Variants in PACS2 observed in about 807,000 individuals in gnomAD.
PACS2 encodes the protein phosphofurin acidic cluster sorting protein 2.
Under a neutral mutation model 113.0 loss-of-function variants are expected in PACS2, and 36 were observed. The observed-to-expected ratio is 0.32, with a 90% CI of 0.24 to 0.42. PACS2 has a LOEUF of 0.42. PACS2 is among the 10% of genes least tolerant of loss of function. The probability of loss-of-function intolerance (pLI) is 1.00; values close to 1 mark genes in which losing one functional copy is unlikely to be tolerated. For synonymous variants in PACS2, 589 were observed against 536.1 expected (o/e 1.10, Z -1.36); for missense variants, 1,015 against 1,239.5 (o/e 0.82, Z 2.72).
At chr14:105,318,134 T>C (rs2058743389) in intron 1 of PACS2, among the ~76,000 whole-genome samples, 1 of 152,218 alleles carries the variant, frequency 6.6e-6, no homozygotes, top group African/African-American at 2.4e-5. Context: ...TATTAATTTG[T>C]TTTTATTTAT....
At chr14:105,350,486 C>T (rs1267150646) in intron 2 of PACS2, among the ~76,000 whole-genome samples, 1 of 152,194 alleles carries the variant, frequency 6.6e-6, no homozygotes, top group Non-Finnish European at 1.5e-5. Flanking sequence ...ACCTCTCCAG[C>T]CCCTCTGTGT....
intron 1 of PACS2, among the ~76,000 whole-genome samples, chr14:105,328,553 C>G (rs1258955023): frequency 1.3e-5 from 2 of 152,180 alleles, no homozygotes; most frequent in Non-Finnish European, 2.9e-5. Flanking sequence ...TCTGGGCTCG[C>G]CATCCTTGAA....
In PACS2 at chr14:105,309,302, A is replaced by C. The variant is rs752522458; in HGVS notation, c.-83+8323A>C. On this transcript the variant is annotated intron_variant, in intron 1 of 23. Coordinates refer to the PACS2 transcript ENST00000430725. The surrounding 1 kb of genome is among the most constrained non-coding windows in gnomAD (Gnocchi z 4.0). ...AGGGGAGAGTTTTATTCCTGAATCC[A>C]GGTCATGCTGTGTTCAACTTTACAC... Among the ~76,000 whole-genome samples, 1 of 152,230 alleles carries C rather than the reference A, an allele frequency of 6.6e-6. No homozygotes were observed. The highest frequency in any genetic ancestry group is 2.4e-5 in the African/African-American group (1 of 41,456).
At chr14:105,328,517 C>T (rs1188514591) in intron 1 of PACS2, among the ~76,000 whole-genome samples, 1 of 152,218 alleles carries the variant, frequency 6.6e-6, no homozygotes, top group East Asian at 1.9e-4. Context: ...AGAGGCTGCT[C>T]TCGAGGACAC....
In PACS2 at chr14:105,345,000, T is replaced by C. The variant is rs1469990371; in HGVS notation, c.120-3493T>C. Among the ~76,000 whole-genome samples the C allele has an allele frequency of 7.9e-5, 12 of 152,236 alleles. 1 individual carries two copies. Among genetic ancestry groups the C allele is most frequent in the African/African-American group, 2.9e-4 (12 of 41,538 alleles). On this transcript the variant is annotated intron_variant, in intron 1 of 24. Coordinates refer to ENST00000447393, the MANE Select transcript of PACS2 (RefSeq NM_001100913.3). ...AGTGCACACCTGTAATCCCAGCTGC[T>C]TGGGAGGCTGAGGCATGAGAATCGT...
chr14:105,315,733 G>A lies in PACS2; in HGVS notation c.119+696G>A, dbSNP rs762876222. On this transcript the variant is annotated intron_variant, in intron 1 of 24. Coordinates refer to ENST00000447393, the MANE Select transcript of PACS2 (RefSeq NM_001100913.3). The surrounding 1 kb of genome is among the most constrained non-coding windows in gnomAD (Gnocchi z 4.4). ...CTCCGGCCATAGCCCAGCCTTCCTT[G>A]GACTTGCAGCTTCCCTGAGTCTCCT... 6.6e-6 allele frequency: 1 copy of A among 152,280 alleles called. No individual in the cohort carries two copies. The highest frequency in any genetic ancestry group is 1.5e-5 in the Non-Finnish European group (1 of 68,076). The allele number at this position is 152,280 out of a possible 1,614,324, so 9.4% of individuals were successfully genotyped here.
chr14:105,320,430 T>G (rs1048611200), intron 1 of PACS2, among the ~76,000 whole-genome samples: 1 of 152,198 alleles, frequency 6.6e-6, no homozygotes, highest in Non-Finnish European at 1.5e-5. Context: ...AGTGCAGTGG[T>G]GTGACCATGG....
Position 105,365,661 on chromosome 14 carries a change from C to T in PACS2, c.424-1552C>T, listed in dbSNP as rs587641895. 1.9e-4 allele frequency among the ~76,000 whole-genome samples: 29 copies of T among 152,280 alleles called. No homozygotes were observed. The highest frequency in any genetic ancestry group is 6.0e-4 in the African/African-American group (25 of 41,556). ...CACCACCTGAGCCCCACCTTGATTC[C>T]TCCGGGACCCCAGCCCGGCAGCCCC... On this transcript the variant is annotated intron_variant, in intron 4 of 24. Coordinates refer to ENST00000447393, the MANE Select transcript of PACS2 (RefSeq NM_001100913.3). The surrounding 1 kb of genome is among the most constrained non-coding windows in gnomAD (Gnocchi z 5.1).
At chr14:105,380,433 T>TCC (rs587705909) in intron 11 of PACS2, among the ~76,000 whole-genome samples, 1 of 88,726 alleles carries the variant, frequency 1.1e-5, no homozygotes, top group Non-Finnish European at 2.4e-5. Flanking sequence ...TGCCCTGGAC[T>TCC]CCCCCCACCC....
chr14:105,305,172 G>A (rs2058150511), intron 1 of PACS2, among the ~76,000 whole-genome samples: 1 of 152,112 alleles, frequency 6.6e-6, no homozygotes. Flanking sequence ...AGGCTGAGGA[G>A]GGAGGATTGC....
chr14:105,350,917 C>T (rs2060148409), intron 2 of PACS2, among the ~76,000 whole-genome samples: 1 of 152,198 alleles, frequency 6.6e-6, no homozygotes, highest in African/African-American at 2.4e-5. Context: ...GCCGCGCTGC[C>T]TCTTGCCACG....
chr14:105,333,622 G>A (rs1424174611), intron 1 of PACS2, among the ~76,000 whole-genome samples: 1 of 152,232 alleles, frequency 6.6e-6, no homozygotes, highest in African/African-American at 2.4e-5. Context: ...AGCACTGAAA[G>A]TGCCAAAACC....
chr14:105,329,193 G>A lies in PACS2; in HGVS notation c.119+14156G>A, dbSNP rs905776057. Among the ~76,000 whole-genome samples, 2 of 152,172 alleles carry A rather than the reference G, an allele frequency of 1.3e-5. No individual in the cohort carries two copies. Among genetic ancestry groups the A allele is most frequent in the Admixed American group, 6.5e-5 (1 of 15,276 alleles). ...GCAGAGGAGGCAGCTGTGGAGCGAG[G>A]GTGTGTACGGGAGCAGGATGGGCTG... On this transcript the variant is annotated intron_variant, in intron 1 of 24. Transcript: ENST00000447393. The surrounding 1 kb of genome is among the most constrained non-coding windows in gnomAD (Gnocchi z 6.4).
intron 1 of PACS2, among the ~76,000 whole-genome samples, chr14:105,327,534 G>T (rs973228415): frequency 6.6e-6 from 1 of 152,038 alleles, no homozygotes; most frequent in Non-Finnish European, 1.5e-5. Context: ...ATCACAGCAG[G>T]TGTCTGCCGC....
At chr14:105,321,334 G>T (rs7146022) in intron 1 of PACS2, among the ~76,000 whole-genome samples, 152,213 of 152,226 alleles carry the variant, frequency 1, 76,100 homozygotes, top group Middle Eastern at 1. Flanking sequence ...ATTGGTCCGG[G>T]TTTTCTAACA....
At chr14:105,352,678 G>A (rs587611168) in intron 3 of PACS2, among the ~76,000 whole-genome samples, 3 of 135,018 alleles carry the variant, frequency 2.2e-5, no homozygotes, top group South Asian at 2.4e-4. Context: ...CCCCTGGGGC[G>A]ACGGGCCCCG....
chr14:105,346,315 C>T (rs890961023), intron 1 of PACS2, among the ~76,000 whole-genome samples: 1 of 152,078 alleles, frequency 6.6e-6, no homozygotes, highest in Non-Finnish European at 1.5e-5. Context: ...TACACTGACC[C>T]GATCTTGTTT....
chr14:105,321,816 A>G (rs2058897451), intron 1 of PACS2, among the ~76,000 whole-genome samples: 1 of 151,510 alleles, frequency 6.6e-6, no homozygotes, highest in South Asian at 2.1e-4. Context: ...ATTCTTTTGG[A>G]TAATTTTTGC....
At chr14:105,346,376 C>T (rs992819741) in intron 1 of PACS2, among the ~76,000 whole-genome samples, 6 of 151,968 alleles carry the variant, frequency 3.9e-5, no homozygotes, top group South Asian at 2.1e-4. Context: ...TCACACAGCC[C>T]GGTTGGTGAC....
Sources: gnomAD v4.1 joint callset for allele counts (sites outside exome capture counted in the v4.1 genomes callset) on GRCh38, gnomAD v4.1.1 for gene constraint, Gnocchi (gnomAD v3.1) non-coding constraint, MANE v1.5 for transcripts, NCBI Gene and HGNC (gene_info 2026-07-23, HGNC 2026-07-21) for gene names.